Variants in LIPA observed in about 807,000 individuals in gnomAD.
LIPA encodes lipase A, lysosomal acid type, also known as lysosomal acid lipase/cholesteryl ester hydrolase.
LIPA carries 26 observed loss-of-function variants against 40.6 expected under a neutral mutation model. The ratio of observed to expected loss-of-function variants is 0.64; its 90% CI spans 0.47 to 0.89. LIPA has a LOEUF of 0.89. LIPA is among the 40% of genes least tolerant of loss of function. The probability of loss-of-function intolerance (pLI) is 0.00; values close to 1 mark genes in which losing one functional copy is unlikely to be tolerated. For missense variants in LIPA, 455 were observed against 479.6 expected, an observed-to-expected ratio of 0.95 and a Z score of 0.48; for synonymous variants, 188 against 168.4, an observed-to-expected ratio of 1.12 and a Z score of -0.90.
chr10:89,387,707 T>C (rs1231193345), intron 2 of LIPA, among the ~76,000 whole-genome samples: 3 of 152,194 alleles, frequency 2.0e-5, no homozygotes, highest in African/African-American at 7.2e-5. Flanking sequence ...ATATGTAAGC[T>C]AAATGTTTTA....
chr10:89,338,643 T>A, intron 1 of LIPA: 1 of 1,600,032 alleles, frequency 6.2e-7, no homozygotes, highest in Admixed American at 1.7e-5. Flanking sequence ...ACAGTGACCA[T>A]GTTTATTTTC....
chr10:89,215,294 G>A (rs757964251), intron 9 of LIPA, among the ~76,000 whole-genome samples: 6 of 152,180 alleles, frequency 3.9e-5, no homozygotes, highest in East Asian at 1.9e-4. Flanking sequence ...AGCTGCTGCC[G>A]TAGGCTGGGC....
At chr10:89,254,412 G>T (rs1267085678), upstream of LIPA, among the ~76,000 whole-genome samples, 2 of 152,058 alleles carry the variant, frequency 1.3e-5, no homozygotes, top group Non-Finnish European at 2.9e-5. Flanking sequence ...ACCCCTTTTT[G>T]CCATGGCTAG....
intron 1 of LIPA, among the ~76,000 whole-genome samples, chr10:89,286,658 C>T (rs1329606179): frequency 6.6e-6 from 1 of 152,178 alleles, no homozygotes; most frequent in Non-Finnish European, 1.5e-5. Context: ...CAGCCCTAGA[C>T]CCTGAAAGGT....
chr10:89,347,544 T>C (rs1194574434), upstream of LIPA, among the ~76,000 whole-genome samples: 1 of 152,226 alleles, frequency 6.6e-6, no homozygotes, highest in Non-Finnish European at 1.5e-5. Flanking sequence ...ATGCTAACTC[T>C]GCATGGTCCA....
chr10:89,390,134 G>GCC (rs1844236044), intron 2 of LIPA, among the ~76,000 whole-genome samples: 1 of 151,900 alleles, frequency 6.6e-6, no homozygotes, highest in Non-Finnish European at 1.5e-5. Context: ...TTACAGGCAT[G>GCC]TGCCACCACG....
intron 1 of LIPA, chr10:89,307,090 C>T: frequency 6.2e-7 from 1 of 1,614,022 alleles, no homozygotes; most frequent in East Asian, 2.2e-5. Context: ...TGCGGTATGG[C>T]AACTTTCAGC....
At chr10:89,249,575 CA>C (rs904725441) in intron 1 of LIPA, among the ~76,000 whole-genome samples, 3 of 150,008 alleles carry the variant, frequency 2.0e-5, no homozygotes, top group Non-Finnish European at 4.4e-5. Flanking sequence ...GGAAGGAACA[CA>C]AAAAAATATA....
chr10:89,394,064 T>A (rs1369545079), intron 2 of LIPA, among the ~76,000 whole-genome samples: 2 of 152,168 alleles, frequency 1.3e-5, no homozygotes, highest in Admixed American at 1.3e-4. Context: ...ACAATGGGGA[T>A]ACACTCTGAG....
intron 2 of LIPA, chr10:89,412,776 A>T: frequency 2.3e-6 from 1 of 429,890 alleles, no homozygotes; most frequent in South Asian, 1.6e-5. Flanking sequence ...GAAGTCAGCA[A>T]GACCACGAAC....
At chr10:89,254,451 G>T (rs540294511), upstream of LIPA, among the ~76,000 whole-genome samples, 1 of 152,192 alleles carries the variant, frequency 6.6e-6, no homozygotes, top group East Asian at 1.9e-4. Context: ...TGGGACACAA[G>T]TCCCTAGGCT....
intron 1 of LIPA, among the ~76,000 whole-genome samples, chr10:89,297,121 G>A (rs1448774581): frequency 1.3e-5 from 2 of 152,180 alleles, no homozygotes; most frequent in Non-Finnish European, 2.9e-5. Context: ...AGAAGAAGAA[G>A]GTATCAAGTG....
intron 1 of LIPA, among the ~76,000 whole-genome samples, chr10:89,314,316 C>A (rs1469197028): frequency 2.0e-5 from 3 of 152,256 alleles, no homozygotes; most frequent in African/African-American, 7.2e-5. Flanking sequence ...AGTCCAAATA[C>A]AGAAGAGAAT....
At position 89,401,328 on chromosome 10, in the gene LIPA, G is replaced by T. The variant is rs1266015081; in HGVS notation, c.61+11463C>A. Among the ~76,000 whole-genome samples, 36 of 151,838 alleles carry T rather than the reference G, an allele frequency of 2.4e-4. 1 individual carries two copies. The highest frequency in any genetic ancestry group is 2.4e-3 in the Admixed American group (36 of 15,220). On this transcript the variant is annotated intron_variant, in intron 2 of 8. Transcript: ENST00000371837. ...GTAGAGACAGGATTTCACCATGTTG[G>T]TCAGCTGGTCTCAAACTCCTGACCT...
chr10:89,269,238 G>A (rs1238684214), intron 1 of LIPA, among the ~76,000 whole-genome samples: 1 of 151,994 alleles, frequency 6.6e-6, no homozygotes, highest in East Asian at 1.9e-4. Flanking sequence ...GCTGAGGCAG[G>A]AGAATCACTT....
At chr10:89,306,865 G>A in intron 1 of LIPA, 7 of 1,614,110 alleles carry the variant, frequency 4.3e-6, no homozygotes, top group South Asian at 2.2e-5. Context: ...ATCTAAGAGA[G>A]AATGGAATGT....
At chr10:89,406,861 A>G (rs1217461375) in intron 2 of LIPA, among the ~76,000 whole-genome samples, 2 of 152,198 alleles carry the variant, frequency 1.3e-5, no homozygotes, top group African/African-American at 2.4e-5. Flanking sequence ...CGAAGGGACT[A>G]TCGCCTATCA....
chr10:89,232,569 G>A (rs1842855295), intron 3 of LIPA, among the ~76,000 whole-genome samples: 1 of 152,192 alleles, frequency 6.6e-6, no homozygotes, highest in Non-Finnish European at 1.5e-5. Flanking sequence ...AGAGTGTCCA[G>A]AGAAAGGCAG....
chr10:89,293,357 T>C (rs968881334), intron 1 of LIPA, among the ~76,000 whole-genome samples: 1 of 152,138 alleles, frequency 6.6e-6, no homozygotes, highest in African/African-American at 2.4e-5. Flanking sequence ...ACTAACACAG[T>C]TTCCATCTCT....
Sources: allele counts gnomAD v4.1 joint callset (sites outside exome capture counted in the v4.1 genomes callset), GRCh38; gene constraint gnomAD v4.1.1; transcripts MANE v1.5; gene names NCBI Gene and HGNC (gene_info 2026-07-23, HGNC 2026-07-21).